NEK11: variants seen among roughly 807,000 people sequenced by gnomAD.
NEK11 encodes the protein serine/threonine-protein kinase Nek11.
A neutral mutation model predicts 80.7 loss-of-function variants in NEK11; 72 were observed. The observed-to-expected ratio is 0.89, with a 90% confidence interval of 0.74 to 1.08. The LOEUF (loss-of-function observed/expected upper bound fraction) is 1.08. Among genes scored for constraint, NEK11 ranks in the 50% least tolerant of loss-of-function variants. The pLI, the probability that NEK11 is intolerant of heterozygous loss-of-function variation, is 0.00. For synonymous variants in NEK11, 251 were observed against 260.7 expected, an observed-to-expected ratio of 0.96 and a Z score of 0.36; for missense variants, 764 against 763.6, an observed-to-expected ratio of 1.00 and a Z score of -0.01.
intron 9 of NEK11, 71 bp from the exon 10 acceptor site, chr3:131,154,965 C>A (rs906493214): frequency 6.6e-6 from 6 of 907,938 alleles, no homozygotes; most frequent in Admixed American, 4.1e-5. Context: ...TGAAAAGATT[C>A]TTGGTAATTT....
At position 131,228,633 on chromosome 3, in the gene NEK11, C is replaced by T. The variant is rs1208097707; in HGVS notation, c.1505C>T (p.Pro502Leu). Residue 502 changes from proline to leucine, a missense_variant, in exon 15 of 18, where the codon CCA (proline) becomes CTA (leucine). Coordinates refer to ENST00000383366, the MANE Select transcript of NEK11 (RefSeq NM_024800.5). Reference sequence around the variant, plus strand: ...GAAGAAGAAATAGCGTTAGAAAGACCAGAGAAAGAAATCAGGAATGAGGGA... The same window carrying T: ...GAAGAAGAAATAGCGTTAGAAAGACTAGAGAAAGAAATCAGGAATGAGGGA... ...EEEEEIALERPEKEIRNEGSQ... is the reference protein window; with the variant it reads ...EEEEEIALERLEKEIRNEGSQ... The T allele has an allele frequency of 1.9e-6, 3 of 1,613,574 alleles. No homozygotes were observed. The highest frequency in any genetic ancestry group is 1.7e-6 in the Non-Finnish European group (2 of 1,179,720).
chr3:131,115,948 T>TTCTTTC (rs2081058520), intron 5 of NEK11, among the ~76,000 whole-genome samples: 3 of 131,994 alleles, frequency 2.3e-5, no homozygotes, highest in Non-Finnish European at 4.9e-5. Flanking sequence ...CTTTCTTTCT[T>TTCTTTC]TCTTTCTTTC....
chr3:131,150,018 T>A (rs938886692), intron 7 of NEK11, among the ~76,000 whole-genome samples: 2 of 152,066 alleles, frequency 1.3e-5, no homozygotes, highest in Non-Finnish European at 2.9e-5. Context: ...TGATATTTGG[T>A]ATCTTTATTA....
At chr3:131,083,748 T>G (rs1215599164) in intron 4 of NEK11, among the ~76,000 whole-genome samples, 1 of 152,196 alleles carries the variant, frequency 6.6e-6, no homozygotes, top group Non-Finnish European at 1.5e-5. Flanking sequence ...CCTAACCCTT[T>G]GGACACATAC....
At chr3:131,344,819 AG>A (rs2097337510) in intron 17 of NEK11, among the ~76,000 whole-genome samples, 1 of 152,152 alleles carries the variant, frequency 6.6e-6, no homozygotes, top group Admixed American at 6.6e-5. Flanking sequence ...AGATCTTGTG[AG>A]AATTCATTCC....
At chr3:131,102,903 G>T (rs751700481) in intron 4 of NEK11, among the ~76,000 whole-genome samples, 3 of 152,080 alleles carry the variant, frequency 2.0e-5, no homozygotes, top group South Asian at 2.1e-4. Context: ...CAACTGAGTT[G>T]ATTCGAAGAA....
At chr3:131,218,469 T>G (rs1007348380) in intron 14 of NEK11, among the ~76,000 whole-genome samples, 1 of 152,200 alleles carries the variant, frequency 6.6e-6, no homozygotes, top group Non-Finnish European at 1.5e-5. Context: ...TGTGGCATCA[T>G]CTTTTCAGTA....
intron 16 of NEK11, among the ~76,000 whole-genome samples, chr3:131,246,320 G>A (rs1213743231): frequency 6.6e-6 from 1 of 152,030 alleles, no homozygotes; most frequent in Non-Finnish European, 1.5e-5. Context: ...TGTCCTCATA[G>A]CTTAGCTCTC....
At chr3:131,308,997 C>G (rs376301698) in intron 17 of NEK11, among the ~76,000 whole-genome samples, 32 of 152,294 alleles carry the variant, frequency 2.1e-4, no homozygotes, top group African/African-American at 7.7e-4. Flanking sequence ...TCTAATGCTG[C>G]CACTGGTTTG....
chr3:131,306,331 C>G (rs758884786), intron 17 of NEK11, among the ~76,000 whole-genome samples: 4 of 152,032 alleles, frequency 2.6e-5, no homozygotes, highest in Non-Finnish European at 5.9e-5. Flanking sequence ...TGTAAATGGG[C>G]CTTTAGTAAT....
chr3:131,069,131 A>G (rs964179661), intron 3 of NEK11, among the ~76,000 whole-genome samples: 4 of 152,026 alleles, frequency 2.6e-5, no homozygotes, highest in Admixed American at 6.6e-5. Flanking sequence ...AAAACCCTAG[A>G]TTTTTTTATT....
rs571127322 is a variant in NEK11 at position 131,253,288 on chromosome 3, A to G, written c.1621+9792A>G. Among the ~76,000 whole-genome samples the G allele has an allele frequency of 9.2e-5, 14 of 152,244 alleles. 1 individual carries two copies. The highest frequency in any genetic ancestry group is 5.2e-4 in the Admixed American group (8 of 15,266). ...TGTCTTACATGAAGGCCCCTCATTT[A>G]CAAAACGCTAAATTCCCACCAAAAT... On this transcript the variant is annotated intron_variant, in intron 16 of 17. Transcript: ENST00000383366.
intron 3 of NEK11, among the ~76,000 whole-genome samples, chr3:131,069,170 A>C (rs975958262): frequency 6.6e-6 from 1 of 152,292 alleles, no homozygotes; most frequent in East Asian, 1.9e-4. Context: ...AGTTTAAACA[A>C]CTTCTTGCCT....
Position 131,152,591 on chromosome 3 carries a change from T to C in NEK11, c.798-40T>C, listed in dbSNP as rs765783234. 2.2e-5 allele frequency: 36 copies of C among 1,606,988 alleles called. No homozygotes were observed. The South Asian group carries it at 2.9e-4, about 13-fold the overall frequency. On this transcript the variant is annotated intron_variant, in intron 8 of 17. Coordinates refer to ENST00000383366, the MANE Select transcript of NEK11 (RefSeq NM_024800.5). ...ATAATTTAAAGTTGTACTTATATTT[T>C]AGTTTACCTGAAAAATAATTTTCTG...
At chr3:131,307,556 A>T in intron 17 of NEK11, among the ~76,000 whole-genome samples, 1 of 152,354 alleles carries the variant, frequency 6.6e-6, no homozygotes, top group Middle Eastern at 3.4e-3. Context: ...TAACAAAGTA[A>T]TATCTATAGA....
chr3:131,320,612 T>C (rs571137092), intron 17 of NEK11, among the ~76,000 whole-genome samples: 7 of 152,206 alleles, frequency 4.6e-5, no homozygotes, highest in African/African-American at 1.7e-4. Context: ...TAAACTCATA[T>C]TGTAAAAAAG....
At chr3:131,270,936 G>A (rs779908379) in intron 16 of NEK11, among the ~76,000 whole-genome samples, 40 of 152,016 alleles carry the variant, frequency 2.6e-4, no homozygotes, top group African/African-American at 8.9e-4. Flanking sequence ...ACTTAGCATG[G>A]TATGGTTGGT....
intron 14 of NEK11, among the ~76,000 whole-genome samples, chr3:131,225,850 G>A (rs573596667): frequency 6.6e-6 from 1 of 152,262 alleles, no homozygotes; most frequent in South Asian, 2.1e-4. Context: ...AGGTCTTGGT[G>A]TATGAAACTT....
intron 17 of NEK11, among the ~76,000 whole-genome samples, chr3:131,300,052 CTT>C (rs1439761752): frequency 6.6e-6 from 1 of 152,134 alleles, no homozygotes; most frequent in Non-Finnish European, 1.5e-5. Context: ...TATTTTCTGA[CTT>C]TTTAATAATA....
Sources: gnomAD v4.1 joint callset for allele counts (sites outside exome capture counted in the v4.1 genomes callset) on GRCh38, gnomAD v4.1.1 for gene constraint, MANE v1.5 for transcripts, NCBI Gene and HGNC (gene_info 2026-07-23, HGNC 2026-07-21) for gene names.